MSI2: variants seen among roughly 807,000 people sequenced by gnomAD.
MSI2 encodes RNA-binding protein Musashi homolog 2.
A neutral mutation model predicts 45.6 loss-of-function variants in MSI2; 17 were observed. That is an observed-to-expected ratio of 0.37 (90% CI 0.26 to 0.56). The LOEUF (loss-of-function observed/expected upper bound fraction) is 0.56. Ranked by LOEUF, MSI2 falls within the 20% of genes least tolerant of loss-of-function variation. The pLI is 0.77. For missense variants in MSI2, 293 were observed against 444.2 expected (o/e 0.66, Z 3.06); for synonymous variants, 156 against 158.2 (o/e 0.99, Z 0.11).
the MSI2 span, among the ~76,000 whole-genome samples, chr17:57,701,385 G>A: frequency 2.0e-5 from 3 of 152,174 alleles, no homozygotes; most frequent in Admixed American, 6.5e-5. Flanking sequence ...GAGCCCTCAT[G>A]AATAGGAAGA....
intron 5 of MSI2, among the ~76,000 whole-genome samples, chr17:57,395,651 T>A (rs1044937697): frequency 6.6e-6 from 1 of 151,868 alleles, no homozygotes; most frequent in Non-Finnish European, 1.5e-5. Context: ...TGTTCGGGAG[T>A]TCTGTGATCT....
chr17:57,420,220 G>A (rs1169617639), intron 6 of MSI2, among the ~76,000 whole-genome samples: 1 of 152,200 alleles, frequency 6.6e-6, no homozygotes, highest in Admixed American at 6.5e-5. Context: ...CCACCCTCCA[G>A]CAAGGTAGAC....
chr17:57,511,452 C>T (rs1421875455), intron 6 of MSI2, among the ~76,000 whole-genome samples: 1 of 152,210 alleles, frequency 6.6e-6, no homozygotes, highest in Non-Finnish European at 1.5e-5. Flanking sequence ...GTCATCTTTC[C>T]TTCCTGCGTG....
chr17:57,671,962 A>G (rs1912819714), intron 11 of MSI2, among the ~76,000 whole-genome samples: 1 of 152,198 alleles, frequency 6.6e-6, no homozygotes, highest in Admixed American at 6.5e-5. Context: ...ACTGTGGAAA[A>G]TAGAGGCTCC....
intron 13 of MSI2, among the ~76,000 whole-genome samples, chr17:57,678,479 A>T (rs983396820): frequency 6.6e-6 from 1 of 152,204 alleles, no homozygotes; most frequent in Non-Finnish European, 1.5e-5. Context: ...GAGACTGAAG[A>T]TGGCTCCAGC....
In MSI2 at chr17:57,652,578, C is replaced by T. The variant is rs1911244884; in HGVS notation, c.790+417C>T. On this transcript the variant is annotated intron_variant, in intron 11 of 13. Transcript: ENST00000284073. The surrounding 1 kb of genome is among the most constrained non-coding windows in gnomAD (Gnocchi z 4.1). ...AAGTGCTAGGCTGTCCCCTGGGACC[C>T]TGCTGCACTGGTAGGTGGGCTTGCT... Among the ~76,000 whole-genome samples, 1 of 152,206 alleles carries T rather than the reference C, an allele frequency of 6.6e-6. No individual in the cohort carries two copies. The highest frequency in any genetic ancestry group is 1.5e-5 in the Non-Finnish European group (1 of 68,028).
rs147352521 is a variant in MSI2 at position 57,519,219 on chromosome 17, G to A, written c.406-10457G>A. Among the ~76,000 whole-genome samples the A allele has an allele frequency of 8.3e-3, 1,261 of 152,328 alleles. 14 individuals carry two copies. Among genetic ancestry groups the A allele is most frequent in the African/African-American group, 0.028 (1,175 of 41,580 alleles). On this transcript the variant is annotated intron_variant, in intron 6 of 13. Coordinates refer to ENST00000284073, the MANE Select transcript of MSI2 (RefSeq NM_138962.4). ...TCCATTCACAATAAGAAAACCCACA[G>A]CATTGGGTGTGGCTCCCGGCTTAAC...
intron 5 of MSI2, among the ~76,000 whole-genome samples, chr17:57,295,359 A>G (rs2143497655): frequency 6.6e-6 from 1 of 152,246 alleles, no homozygotes; most frequent in Middle Eastern, 3.4e-3. Flanking sequence ...CATGGCTAAA[A>G]AGAGAGCATA....
chr17:57,352,882 G>A (rs1916132512), intron 5 of MSI2, among the ~76,000 whole-genome samples: 1 of 152,208 alleles, frequency 6.6e-6, no homozygotes, highest in Admixed American at 6.5e-5. Flanking sequence ...TGGGCACTGA[G>A]CAATTTCACA....
intron 6 of MSI2, among the ~76,000 whole-genome samples, chr17:57,401,851 C>T (rs1392985817): frequency 2.0e-5 from 3 of 152,118 alleles, no homozygotes; most frequent in African/African-American, 4.8e-5. Flanking sequence ...TGGGCTTCTC[C>T]CTTCTGTGCC....
At chr17:57,313,374 C>A (rs905926716) in intron 5 of MSI2, among the ~76,000 whole-genome samples, 1 of 152,204 alleles carries the variant, frequency 6.6e-6, no homozygotes, top group African/African-American at 2.4e-5. Flanking sequence ...ATTTAGTCAC[C>A]GCTGCCTTTT....
intron 8 of MSI2, among the ~76,000 whole-genome samples, chr17:57,609,323 G>A (rs865982291): frequency 6.6e-6 from 1 of 152,144 alleles, no homozygotes. Context: ...CTCTCCTCCT[G>A]AGCCCTTTCC....
intron 8 of MSI2, among the ~76,000 whole-genome samples, chr17:57,600,244 T>G (rs984821171): frequency 2.0e-5 from 3 of 152,268 alleles, no homozygotes; most frequent in Non-Finnish European, 2.9e-5. Flanking sequence ...GACTGTGCTG[T>G]GAAACCACAG....
intron 5 of MSI2, among the ~76,000 whole-genome samples, chr17:57,276,773 G>A (rs928635575): frequency 5.3e-5 from 8 of 152,140 alleles, no homozygotes; most frequent in African/African-American, 1.4e-4. Flanking sequence ...ATTGGGTGAC[G>A]CTAGAATTTC....
chr17:57,534,079 T>C (rs1020652168), intron 7 of MSI2, among the ~76,000 whole-genome samples: 3 of 152,226 alleles, frequency 2.0e-5, no homozygotes, highest in Admixed American at 1.3e-4. Context: ...AGCACAGTGC[T>C]GGCACCTACC....
chr17:57,548,911 C>T (rs1383862080), intron 7 of MSI2, among the ~76,000 whole-genome samples: 2 of 129,730 alleles, frequency 1.5e-5, no homozygotes, highest in Non-Finnish European at 3.3e-5. Context: ...CCCCCCCACC[C>T]CCCCGCCAAA....
chr17:57,527,649 C>T (rs1028819423), intron 6 of MSI2, among the ~76,000 whole-genome samples: 1 of 152,182 alleles, frequency 6.6e-6, no homozygotes, highest in Non-Finnish European at 1.5e-5. Flanking sequence ...AAATGGGGAG[C>T]AGAAGGGGAA....
At chr17:57,337,038 G>A (rs923961988) in intron 5 of MSI2, among the ~76,000 whole-genome samples, 1 of 152,194 alleles carries the variant, frequency 6.6e-6, no homozygotes, top group Non-Finnish European at 1.5e-5. Flanking sequence ...TCCATGTGGG[G>A]CCCTCCAGAG....
At chr17:57,471,616 A>G (rs2085438943) in intron 6 of MSI2, among the ~76,000 whole-genome samples, 1 of 152,126 alleles carries the variant, frequency 6.6e-6, no homozygotes, top group African/African-American at 2.4e-5. Context: ...GTAGGCTGGT[A>G]TTACTCTTCG....
Sources: allele counts gnomAD v4.1 joint callset (sites outside exome capture counted in the v4.1 genomes callset), GRCh38; gene constraint gnomAD v4.1.1; non-coding constraint Gnocchi (gnomAD v3.1); transcripts MANE v1.5; gene names NCBI Gene and HGNC (gene_info 2026-07-23, HGNC 2026-07-21).